GRID2: variants seen among roughly 807,000 people sequenced by gnomAD.
GRID2 encodes glutamate receptor ionotropic, delta-2.
Under a neutral mutation model 114.8 loss-of-function variants are expected in GRID2, and 33 were observed. That is an observed-to-expected ratio of 0.29 (90% CI 0.22 to 0.38). The LOEUF (loss-of-function observed/expected upper bound fraction) is 0.38, where lower values mean the gene tolerates loss of function less well. Ranked by LOEUF, GRID2 falls within the 10% of genes least tolerant of loss-of-function variation. GRID2 has a pLI of 1.00. For missense variants in GRID2, 1,184 were observed against 1,257.7 expected (o/e 0.94, Z 0.89); for synonymous variants, 505 against 449.9 (o/e 1.12, Z -1.55).
chr4:93,360,334 C>T (rs1049752442), intron 8 of GRID2, among the ~76,000 whole-genome samples: 1 of 151,678 alleles, frequency 6.6e-6, no homozygotes, highest in African/African-American at 2.4e-5. Context: ...CTAACCTTTC[C>T]AGCTTCTTGA....
chr4:92,687,365 A>G (rs1162285035), intron 2 of GRID2, among the ~76,000 whole-genome samples: 1 of 152,118 alleles, frequency 6.6e-6, no homozygotes, highest in Non-Finnish European at 1.5e-5. Context: ...GATTGGAAAT[A>G]TTGAAGATTT....
At chr4:92,558,167 T>G (rs896638436) in intron 1 of GRID2, among the ~76,000 whole-genome samples, 1 of 152,140 alleles carries the variant, frequency 6.6e-6, no homozygotes, top group African/African-American at 2.4e-5. Flanking sequence ...CCTCATCATT[T>G]TTACAATGCC....
chr4:93,292,331 C>G (rs547597540), intron 8 of GRID2, among the ~76,000 whole-genome samples: 1 of 152,144 alleles, frequency 6.6e-6, no homozygotes, highest in African/African-American at 2.4e-5. Flanking sequence ...GTACTATGTG[C>G]TCAGCATGCT....
At chr4:93,316,277 AAAGAACGAAAGAACGAAAGAAAG>A (rs1756586213) in intron 8 of GRID2, among the ~76,000 whole-genome samples, 1 of 34,262 alleles carries the variant, frequency 2.9e-5, no homozygotes, top group South Asian at 1.1e-3. Context: ...GAAAGAAAGA[AAAGAACGAAAGAACGAAAGAAAG>A]AAAGAAAGAA....
At chr4:92,841,033 G>A (rs961926463) in intron 2 of GRID2, among the ~76,000 whole-genome samples, 2 of 151,842 alleles carry the variant, frequency 1.3e-5, no homozygotes, top group African/African-American at 4.8e-5. Flanking sequence ...ATCTGCTCTG[G>A]TCTCATCAAG....
intron 1 of GRID2, among the ~76,000 whole-genome samples, chr4:92,495,380 ATG>A (rs1723337933): frequency 6.6e-6 from 1 of 152,006 alleles, no homozygotes; most frequent in Non-Finnish European, 1.5e-5. Context: ...CTGTTATACA[ATG>A]AAGAAATAAG....
chr4:92,589,164 A>G lies in GRID2; in HGVS notation c.89-967A>G, dbSNP rs1294876464. ...GCAGTGAAAAGATAAAGCCAGCTCCACACTGGCTTTATAATACACACTGTG... is the reference window on the plus strand; with the variant it reads ...GCAGTGAAAAGATAAAGCCAGCTCCGCACTGGCTTTATAATACACACTGTG... On this transcript the variant is annotated intron_variant, in intron 1 of 15. Coordinates refer to ENST00000282020, the MANE Select transcript of GRID2 (RefSeq NM_001510.4). Among the ~76,000 whole-genome samples the G allele has an allele frequency of 3.9e-5, 6 of 152,196 alleles. No homozygotes were observed. In the South Asian group the frequency reaches 6.2e-4, roughly 16 times the overall value.
intron 2 of GRID2, among the ~76,000 whole-genome samples, chr4:92,799,617 A>T (rs1740059813): frequency 6.6e-6 from 1 of 151,950 alleles, no homozygotes; most frequent in Non-Finnish European, 1.5e-5. Flanking sequence ...TCTTCTTAGA[A>T]GAACACCAAT....
At chr4:93,362,524 A>G (rs1761971196) in intron 8 of GRID2, among the ~76,000 whole-genome samples, 1 of 151,814 alleles carries the variant, frequency 6.6e-6, no homozygotes, top group African/African-American at 2.4e-5. Flanking sequence ...ACACAGTTTC[A>G]TTGAGTTTTC....
At chr4:92,604,227 A>G (rs1415020466) in intron 2 of GRID2, among the ~76,000 whole-genome samples, 3 of 152,222 alleles carry the variant, frequency 2.0e-5, no homozygotes, top group Non-Finnish European at 2.9e-5. Context: ...TATTATAAAA[A>G]TACTTGCATG....
At chr4:92,517,805 C>T (rs1724572973) in intron 1 of GRID2, among the ~76,000 whole-genome samples, 1 of 151,796 alleles carries the variant, frequency 6.6e-6, no homozygotes, top group Non-Finnish European at 1.5e-5. Flanking sequence ...TATTGAGTGC[C>T]ACTATGTGGA....
intron 8 of GRID2, among the ~76,000 whole-genome samples, chr4:93,308,401 G>A (rs1162562334): frequency 1.3e-5 from 2 of 151,994 alleles, no homozygotes; most frequent in East Asian, 1.9e-4. Context: ...GAGTATTAGG[G>A]TCTTCATAAA....
chr4:93,113,660 A>G (rs1732979845), intron 4 of GRID2, among the ~76,000 whole-genome samples: 1 of 152,200 alleles, frequency 6.6e-6, no homozygotes, highest in Non-Finnish European at 1.5e-5. Context: ...TCAGCATTAC[A>G]AGATGCATGT....
chr4:93,637,601 T>C (rs1301318572), intron 14 of GRID2, among the ~76,000 whole-genome samples: 3 of 152,138 alleles, frequency 2.0e-5, no homozygotes, highest in Non-Finnish European at 4.4e-5. Flanking sequence ...GAAACTTAAA[T>C]GGTATGCCAA....
chr4:93,021,398 TAG>T (rs1440327994), intron 2 of GRID2, among the ~76,000 whole-genome samples: 1 of 150,122 alleles, frequency 6.7e-6, no homozygotes, highest in African/African-American at 2.4e-5. Context: ...TAAATGTTAA[TAG>T]AGTTATTTAA....
At chr4:92,645,785 A>T (rs1323038658) in intron 2 of GRID2, among the ~76,000 whole-genome samples, 1 of 151,636 alleles carries the variant, frequency 6.6e-6, no homozygotes, top group African/African-American at 2.4e-5. Context: ...CCATGTTTTA[A>T]AAGTATTGAT....
At chr4:93,313,126 T>TC (rs995288462) in intron 8 of GRID2, among the ~76,000 whole-genome samples, 1 of 152,258 alleles carries the variant, frequency 6.6e-6, no homozygotes, top group East Asian at 1.9e-4. Flanking sequence ...CTTTTTTTTT[T>TC]CACATAAGGC....
At chr4:92,664,986 CTTT>C (rs201290131) in intron 2 of GRID2, among the ~76,000 whole-genome samples, 3 of 127,566 alleles carry the variant, frequency 2.4e-5, no homozygotes, top group Admixed American at 7.8e-5. Context: ...CTCTGCCATT[CTTT>C]TTTTTTTTTT....
chr4:93,335,687 C>CTTTT (rs556098287), intron 8 of GRID2, among the ~76,000 whole-genome samples: 16,676 of 117,696 alleles, frequency 0.14, 1,825 homozygotes, highest in African/African-American at 0.37. Context: ...CTCTTTCTTT[C>CTTTT]TTCTTTCTTT....
Sources: gnomAD v4.1 joint callset for allele counts (sites outside exome capture counted in the v4.1 genomes callset) on GRCh38, gnomAD v4.1.1 for gene constraint, MANE v1.5 for transcripts, NCBI Gene and HGNC (gene_info 2026-07-23, HGNC 2026-07-21) for gene names.